ANKS1B: variants seen among roughly 807,000 people sequenced by gnomAD.
ANKS1B encodes the protein ankyrin repeat and sterile alpha motif domain-containing protein 1B.
Under a neutral mutation model 148.3 loss-of-function variants are expected in ANKS1B, and 36 were observed. That is an observed-to-expected ratio of 0.24 (90% CI 0.19 to 0.32). The LOEUF is 0.32. ANKS1B is among the 10% of genes least tolerant of loss of function. The pLI is 1.00. For synonymous variants in ANKS1B, 542 were observed against 560.8 expected (o/e 0.97, Z 0.47); for missense variants, 1,157 against 1,542.6 (o/e 0.75, Z 4.19).
At chr12:99,878,440 C>T (rs1352449) in intron 1 of ANKS1B, among the ~76,000 whole-genome samples, 1 of 152,070 alleles carries the variant, frequency 6.6e-6, no homozygotes, top group Non-Finnish European at 1.5e-5. Context: ...CTTTGGTGTG[C>T]GTCTTTTCAA....
intron 4 of ANKS1B, among the ~76,000 whole-genome samples, chr12:99,791,372 G>C (rs1261107130): frequency 6.6e-6 from 1 of 151,724 alleles, no homozygotes; most frequent in Non-Finnish European, 1.5e-5. Flanking sequence ...AGATCTTCCA[G>C]ACAGAAAATC....
chr12:99,592,847 C>T (rs2097717056), intron 9 of ANKS1B, among the ~76,000 whole-genome samples: 1 of 151,978 alleles, frequency 6.6e-6, no homozygotes, highest in African/African-American at 2.4e-5. Context: ...AGTCACATAC[C>T]TGAAAGATAT....
intron 1 of ANKS1B, among the ~76,000 whole-genome samples, chr12:99,966,108 G>T (rs1423785572): frequency 1.3e-5 from 2 of 152,202 alleles, no homozygotes; most frequent in Non-Finnish European, 2.9e-5. Flanking sequence ...ACAACTAAAT[G>T]CAGTACATGA....
chr12:99,570,160 T>C (rs1404284105), intron 9 of ANKS1B, among the ~76,000 whole-genome samples: 1 of 152,158 alleles, frequency 6.6e-6, no homozygotes, highest in East Asian at 1.9e-4. Context: ...GTGAACCCTC[T>C]GCCCCAGCTC....
chr12:98,812,331 C>T (rs1392274383), intron 19 of ANKS1B, among the ~76,000 whole-genome samples: 2 of 152,124 alleles, frequency 1.3e-5, no homozygotes, highest in Admixed American at 6.5e-5. Context: ...TAGTAACATG[C>T]TGTACAGGTT....
intron 9 of ANKS1B, among the ~76,000 whole-genome samples, chr12:99,586,293 T>A (rs1442964742): frequency 1.3e-5 from 2 of 152,172 alleles, no homozygotes; most frequent in East Asian, 3.9e-4. Flanking sequence ...AGGGGCAAAA[T>A]GCCACCAGTC....
At chr12:99,101,498 C>A (rs190849793) in intron 15 of ANKS1B, among the ~76,000 whole-genome samples, 1 of 152,158 alleles carries the variant, frequency 6.6e-6, no homozygotes, top group Admixed American at 6.5e-5. Context: ...GTTTGGGTAA[C>A]TGATGGTTAA....
At chr12:99,675,385 A>C (rs182170828) in intron 8 of ANKS1B, among the ~76,000 whole-genome samples, 2 of 151,494 alleles carry the variant, frequency 1.3e-5, no homozygotes, top group Non-Finnish European at 3.0e-5. Flanking sequence ...CTTTAAAATC[A>C]TATTCTCAGA....
chr12:99,895,294 C>G (rs1480253250), intron 1 of ANKS1B, among the ~76,000 whole-genome samples: 1 of 150,220 alleles, frequency 6.7e-6, no homozygotes, highest in African/African-American at 2.4e-5. Context: ...TCCAGAGAAA[C>G]AGAACCAACG....
chr12:99,535,418 T>G (rs1177067703), intron 9 of ANKS1B, among the ~76,000 whole-genome samples: 2 of 152,212 alleles, frequency 1.3e-5, no homozygotes, highest in African/African-American at 4.8e-5. Context: ...CTCATCTCCC[T>G]TCTTGGACAG....
chr12:99,493,900 T>G (rs2096578201), intron 10 of ANKS1B, among the ~76,000 whole-genome samples: 1 of 151,970 alleles, frequency 6.6e-6, no homozygotes, highest in Non-Finnish European at 1.5e-5. Context: ...TATGTCGGAG[T>G]CTTCAGCATG....
intron 8 of ANKS1B, among the ~76,000 whole-genome samples, chr12:99,691,735 C>G (rs2098680347): frequency 6.6e-6 from 1 of 152,142 alleles, no homozygotes; most frequent in South Asian, 2.1e-4. Flanking sequence ...CCAAACTGTT[C>G]CAACCTCTGC....
chr12:99,226,377 T>C (rs1410623697), intron 14 of ANKS1B, among the ~76,000 whole-genome samples: 1 of 152,222 alleles, frequency 6.6e-6, no homozygotes, highest in African/African-American at 2.4e-5. Context: ...AAATGAGCCC[T>C]GGTATTTCAC....
intron 10 of ANKS1B, among the ~76,000 whole-genome samples, chr12:99,496,195 A>T (rs528762463): frequency 6.6e-6 from 1 of 152,378 alleles, no homozygotes; most frequent in Admixed American, 6.5e-5. Context: ...GCCTGTACTA[A>T]GTGATTCAAA....
chr12:99,681,939 C>T (rs528427937), intron 8 of ANKS1B, among the ~76,000 whole-genome samples: 4 of 152,210 alleles, frequency 2.6e-5, no homozygotes, highest in Middle Eastern at 3.4e-3. Flanking sequence ...TCCATGCAAA[C>T]AGACACCAAA....
chr12:99,674,198 A>G (rs1438054755), intron 8 of ANKS1B, among the ~76,000 whole-genome samples: 1 of 151,852 alleles, frequency 6.6e-6, no homozygotes, highest in African/African-American at 2.4e-5. Flanking sequence ...AAAGATGGCA[A>G]ATCTTCCTCA....
At chr12:99,589,202 T>A (rs897455872) in intron 9 of ANKS1B, among the ~76,000 whole-genome samples, 3 of 152,194 alleles carry the variant, frequency 2.0e-5, no homozygotes, top group African/African-American at 7.2e-5. Flanking sequence ...CAAGGCCTTT[T>A]CAAAGGTGAA....
intron 17 of ANKS1B, among the ~76,000 whole-genome samples, chr12:98,981,010 A>T (rs950894015): frequency 9.5e-5 from 14 of 146,926 alleles, no homozygotes; most frequent in South Asian, 2.2e-4. Flanking sequence ...GTTCAGTTAA[A>T]TTTTTTTTTT....
intron 9 of ANKS1B, among the ~76,000 whole-genome samples, chr12:99,594,416 C>T (rs3851626): frequency 0.45 from 67,585 of 151,808 alleles, 16,199 homozygotes; most frequent in East Asian, 0.63. Context: ...TCATGTTCAT[C>T]GCAACATTAT....
Sources: allele counts gnomAD v4.1 joint callset (sites outside exome capture counted in the v4.1 genomes callset), GRCh38; gene constraint gnomAD v4.1.1; transcripts MANE v1.5; gene names NCBI Gene and HGNC (gene_info 2026-07-23, HGNC 2026-07-21).